PROS1: variants seen among roughly 807,000 people sequenced by gnomAD.
The protein encoded by PROS1 is protein S.
A neutral mutation model predicts 75.9 loss-of-function variants in PROS1; 29 were observed. The observed-to-expected ratio is 0.38, with a 90% CI of 0.28 to 0.52. PROS1 has a LOEUF of 0.52. Ranked by LOEUF, PROS1 falls within the 20% of genes least tolerant of loss-of-function variation. The probability of loss-of-function intolerance (pLI) is 0.83; values close to 1 mark genes in which losing one functional copy is unlikely to be tolerated. For missense variants in PROS1, 680 were observed against 810.3 expected, an observed-to-expected ratio of 0.84 and a Z score of 1.95; for synonymous variants, 245 against 280.6, an observed-to-expected ratio of 0.87 and a Z score of 1.27.
At chr3:93,890,326 T>C (rs902870159) in intron 10 of PROS1, among the ~76,000 whole-genome samples, 11 of 152,236 alleles carry the variant, frequency 7.2e-5, no homozygotes, top group Non-Finnish European at 1.0e-4. Context: ...TTTTGCCCTT[T>C]GGCTTGTGGT....
intron 11 of PROS1, among the ~76,000 whole-genome samples, chr3:93,885,227 T>C (rs894925135): frequency 3.9e-5 from 6 of 152,070 alleles, no homozygotes; most frequent in African/African-American, 1.4e-4. Flanking sequence ...GGCTCTAAGT[T>C]GTCTTGTTTA....
In PROS1 at chr3:93,874,108, G is replaced by A. The variant is rs899274165; in HGVS notation, c.*137C>T. On this transcript the variant is annotated 3_prime_UTR_variant, in exon 15 of 15. Transcript: ENST00000394236. ...CAACAGAATTTTTTTCCTTGACAAA[G>A]GACCTTTTAAAAATCCCAGGAAAGG... The A allele has an allele frequency of 2.2e-5, 23 of 1,028,322 alleles. No homozygotes were observed. In the African/African-American group the frequency reaches 3.1e-4, roughly 14 times the overall value. 63.7% of individuals were successfully genotyped at this position (1,028,322 alleles called of 1,614,324 possible).
chr3:93,941,424 C>T (rs1326832655), intron 1 of PROS1, among the ~76,000 whole-genome samples: 1 of 152,162 alleles, frequency 6.6e-6, no homozygotes, highest in Non-Finnish European at 1.5e-5. Context: ...ACCCCTTCTA[C>T]AAAACAACAG....
chr3:93,908,686 G>A (rs1015511514), intron 4 of PROS1, among the ~76,000 whole-genome samples: 1 of 152,190 alleles, frequency 6.6e-6, no homozygotes, highest in Non-Finnish European at 1.5e-5. Flanking sequence ...AGTACAAATG[G>A]CATCAGGTGG....
chr3:93,947,695 T>G (rs1042049087), intron 1 of PROS1, among the ~76,000 whole-genome samples: 9 of 151,726 alleles, frequency 5.9e-5, no homozygotes, highest in African/African-American at 1.9e-4. Context: ...GCCTCCAGAG[T>G]AGCTGGGACT....
chr3:93,973,378 A>C (rs1164034707), intron 1 of PROS1, among the ~76,000 whole-genome samples: 1 of 152,174 alleles, frequency 6.6e-6, no homozygotes, highest in Admixed American at 6.5e-5. Flanking sequence ...TGGGAACTTC[A>C]GCTTTGAAGG....
At chr3:93,898,336 A>G (rs775566625) in intron 8 of PROS1, 112 bp downstream of exon 8, 10 of 1,255,944 alleles carry the variant, frequency 8.0e-6, no homozygotes, top group Non-Finnish European at 1.2e-5. Flanking sequence ...TTAAAGCTAC[A>G]GCAATTATTG....
intron 1 of PROS1, among the ~76,000 whole-genome samples, chr3:93,955,526 T>C (rs1362715679): frequency 6.7e-6 from 1 of 149,722 alleles, no homozygotes; most frequent in East Asian, 2.0e-4. Context: ...AATTGAACAA[T>C]GAGAACAGTT....
At position 93,917,951 on chromosome 3, in the gene PROS1, C is replaced by T. The variant is rs532616807; in HGVS notation, c.259+6289G>A. 2.0e-5 allele frequency among the ~76,000 whole-genome samples: 3 copies of T among 152,268 alleles called. No homozygotes were observed. In the East Asian group the frequency reaches 5.8e-4, roughly 30 times the overall value. On this transcript the variant is annotated intron_variant, in intron 3 of 14. Coordinates refer to ENST00000394236, the MANE Select transcript of PROS1 (RefSeq NM_000313.4). ...AGGGCGCCCAGTCCCATTGACCACC[C>T]AAGGGCTGAGGAGTGCGGGCACACG...
Position 93,956,563 on chromosome 3 carries a change from A to ACAAAC in PROS1, c.76+17110_76+17111insGTTTG, listed in dbSNP as rs57080075. 1.4e-3 allele frequency among the ~76,000 whole-genome samples: 179 copies of ACAAAC among 128,372 alleles called. No homozygotes were observed. In the South Asian group the frequency reaches 0.015, roughly 11 times the overall value. The allele number at this position is 128,372 out of a possible 152,430, so 84.2% of individuals were successfully genotyped here. ...ACACACACACACACACACACACACA[A>ACAAAC]ACACACACACACACACACACACACA... On this transcript the variant is annotated intron_variant, in intron 1 of 14. Transcript: ENST00000394236.
intron 1 of PROS1, among the ~76,000 whole-genome samples, chr3:93,967,004 A>G (rs1709801644): frequency 6.6e-6 from 1 of 152,158 alleles, no homozygotes; most frequent in Admixed American, 6.5e-5. Flanking sequence ...TAGGCCACAT[A>G]TGGCTTTCGG....
Position 93,973,643 on chromosome 3 carries a change from G to T in PROS1, c.76+31C>A, listed in dbSNP as rs368069425. 2.5e-4 allele frequency: 395 copies of T among 1,606,602 alleles called. 1 individual carries two copies. The African/African-American group carries it at 4.6e-3, about 19-fold the overall frequency. ...ACGCAGTTCAGTCGACAATGCTGGG[G>T]AAGGGAGAAGAGACGCTATTGATTA... On this transcript the variant is annotated intron_variant, in intron 1 of 14. Coordinates refer to ENST00000394236, the MANE Select transcript of PROS1 (RefSeq NM_000313.4).
intron 1 of PROS1, among the ~76,000 whole-genome samples, chr3:93,960,133 T>C (rs1329654141): frequency 6.6e-6 from 1 of 152,078 alleles, no homozygotes. Flanking sequence ...TGTGCTTCAT[T>C]GAGTTTTAAC....
rs538204715 is a variant in PROS1 at position 93,939,728 on chromosome 3, T to C, written c.77-12321A>G. On this transcript the variant is annotated intron_variant, in intron 1 of 14. Transcript: ENST00000394236. ...AAAATCCAGCCCAGTTTATGGCTTG[T>C]TTAGCAGCAAACTTGAGACCCTTTA... Among the ~76,000 whole-genome samples the C allele has an allele frequency of 4.9e-3, 750 of 152,036 alleles. 10 individuals carry two copies. Among genetic ancestry groups the C allele is most frequent in the African/African-American group, 0.017 (719 of 41,362 alleles).
intron 1 of PROS1, among the ~76,000 whole-genome samples, chr3:93,943,777 A>T (rs1041543253): frequency 1.3e-5 from 2 of 152,174 alleles, no homozygotes; most frequent in African/African-American, 2.4e-5. Flanking sequence ...ATCACCAAAG[A>T]AGTGAAAATG....
At position 93,931,135 on chromosome 3, in the gene PROS1, A is replaced by C. The variant is rs151172111; in HGVS notation, c.77-3728T>G. Among the ~76,000 whole-genome samples, 957 of 152,310 alleles carry C rather than the reference A, an allele frequency of 6.3e-3. 13 individuals carry two copies. Among genetic ancestry groups the C allele is most frequent in the African/African-American group, 0.022 (923 of 41,572 alleles). On this transcript the variant is annotated intron_variant, in intron 1 of 14. Transcript: ENST00000394236. Reference sequence around the variant, plus strand: ...ATTTGATTTTCACATGCTGAAATAAACTATCAGACAGAATTATCATCCCTA... The same window carrying C: ...ATTTGATTTTCACATGCTGAAATAACCTATCAGACAGAATTATCATCCCTA...
Position 93,899,111 on chromosome 3 carries a change from G to A in PROS1, c.728-542C>T, listed in dbSNP as rs533587501. ...AAGAACATTGGAACACTCATAATGC[G>A]ATAATTAATGTTGGCAGTGAATTTA... is the stretch of plus-strand genomic sequence containing the variant. On this transcript the variant is annotated intron_variant, in intron 7 of 14. Coordinates refer to ENST00000394236, the MANE Select transcript of PROS1 (RefSeq NM_000313.4). Among the ~76,000 whole-genome samples the A allele has an allele frequency of 3.6e-4, 55 of 150,888 alleles. No individual in the cohort carries two copies. In the South Asian group the frequency reaches 7.5e-3, roughly 21 times the overall value.
rs1334662995 is a variant in PROS1, at chr3:93,949,879, G to C, written c.77-22472C>G. Among the ~76,000 whole-genome samples the C allele has an allele frequency of 7.2e-5, 11 of 152,258 alleles. No individual in the cohort carries two copies. The East Asian group carries it at 1.9e-3, about 27-fold the overall frequency. ...CCACAGAGTGTGAGCCAAAGCAGGG[G>C]GGGCATTGCCTCACCCGGGAAGTGC... On this transcript the variant is annotated intron_variant, in intron 1 of 14. Transcript: ENST00000394236.
chr3:93,924,330 T>C, intron 2 of PROS1, 66 bp from the exon 3 acceptor site: 4 of 959,898 alleles, frequency 4.2e-6, no homozygotes, highest in Non-Finnish European at 5.7e-6. Context: ...TAAAACTTAA[T>C]TTTATAATGT....
Sources: gnomAD v4.1 joint callset for allele counts (sites outside exome capture counted in the v4.1 genomes callset) on GRCh38, gnomAD v4.1.1 for gene constraint, MANE v1.5 for transcripts, NCBI Gene and HGNC (gene_info 2026-07-23, HGNC 2026-07-21) for gene names.